Variants in CEP350 observed in about 807,000 individuals in gnomAD.
CEP350 encodes centrosomal protein 350.
CEP350 carries 126 observed loss-of-function variants against 331.8 expected under a neutral mutation model. That is an observed-to-expected ratio of 0.38 (90% CI 0.33 to 0.44). The LOEUF (loss-of-function observed/expected upper bound fraction) is 0.44, where lower values mean the gene tolerates loss of function less well. Among genes scored for constraint, CEP350 ranks in the 20% least tolerant of loss-of-function variants. CEP350 has a pLI of 1.00. For missense variants in CEP350, 3,406 were observed against 3,634.6 expected (o/e 0.94, Z 1.62); for synonymous variants, 1,200 against 1,259.5 (o/e 0.95, Z 1.00).
chr1:180,090,715 T>C lies in CEP350; in HGVS notation c.6427T>C (p.Ser2143Pro). The change falls in exon 33 of 38, where the codon TCT becomes CCT. Residue 2143 changes from serine to proline, a missense_variant and splice_region_variant. Physicochemically the swap from Ser to Pro is moderately conservative, Grantham distance 74. Coordinates refer to ENST00000367607, the MANE Select transcript of CEP350 (RefSeq NM_014810.5). ...TGCTCATTAATTTTTACACGTCAGA[T>C]CTGAAACGGCAAAGAATTGGAAATC... ...KIKPLTPLHRSETAKNWKSLT... is the reference protein window; with the variant it reads ...KIKPLTPLHRPETAKNWKSLT... The C allele has an allele frequency of 6.5e-7, 1 of 1,548,968 alleles. No homozygotes were observed. Among genetic ancestry groups the C allele is most frequent in the South Asian group, 1.2e-5 (1 of 83,230 alleles).
At chr1:179,959,015 T>C (rs1271420693) in intron 1 of CEP350, among the ~76,000 whole-genome samples, 1 of 152,216 alleles carries the variant, frequency 6.6e-6, no homozygotes, top group Non-Finnish European at 1.5e-5. Context: ...ATCACTTTTA[T>C]AATTTTTGAA....
intron 25 of CEP350, among the ~76,000 whole-genome samples, chr1:180,056,313 A>C (rs1657834765): frequency 6.6e-6 from 1 of 152,012 alleles, no homozygotes; most frequent in Non-Finnish European, 1.5e-5. Context: ...ATTATTTAAA[A>C]ATTACCCAGT....
intron 1 of CEP350, chr1:179,968,836 GC>G (rs1327322645): frequency 9.8e-6 from 7 of 712,876 alleles, no homozygotes; most frequent in Non-Finnish European, 1.0e-5. Context: ...GGCAGCTCGT[GC>G]CATTGTTACC....
chr1:180,044,282 T>A, intron 21 of CEP350, 109 bp downstream of exon 21: 2 of 1,135,914 alleles, frequency 1.8e-6, no homozygotes, highest in Non-Finnish European at 2.3e-6. Context: ...TAGAACAGTG[T>A]GTGCCCTTCA....
At position 180,110,979 on chromosome 1, in the gene CEP350, T is replaced by C. The variant is rs1294028100; in HGVS notation, c.9190-18T>C. On this transcript the variant is annotated intron_variant, in intron 37 of 37. Coordinates refer to ENST00000367607, the MANE Select transcript of CEP350 (RefSeq NM_014810.5). ...GTATGACAGGAATTTTCTAACCTTATTGTCTTCTAAATCCTAGGTTCAGGA... is the reference window on the plus strand; with the variant it reads ...GTATGACAGGAATTTTCTAACCTTACTGTCTTCTAAATCCTAGGTTCAGGA... 6.2e-6 allele frequency: 10 copies of C among 1,608,388 alleles called. No homozygotes were observed. Among genetic ancestry groups the C allele is most frequent in the Middle Eastern group, 1.7e-4 (1 of 6,040 alleles).
In CEP350 at chr1:180,020,000, A is replaced by G. The variant is rs1328289252; in HGVS notation, c.2226A>G (p.Gln742=). ...TGCAGCCTGAAAGATTGAGCCCACAAGTTCACCATTCTCAACCACAGCCTT... is the reference window on the plus strand; with the variant it reads ...TGCAGCCTGAAAGATTGAGCCCACAGGTTCACCATTCTCAACCACAGCCTT... ...TWMQPERLSP[Q]VHHSQPQPFA... The change falls in exon 12 of 38, where the codon CAA becomes CAG. Residue 742 remains glutamine (Q), a synonymous_variant. Transcript: ENST00000367607. 6.2e-6 allele frequency: 10 copies of G among 1,613,306 alleles called. No homozygotes were observed. The highest frequency in any genetic ancestry group is 1.3e-5 in the African/African-American group (1 of 74,926).
chr1:180,004,869 G>T (rs547828247), intron 7 of CEP350, among the ~76,000 whole-genome samples: 56 of 90,576 alleles, frequency 6.2e-4, no homozygotes, highest in African/African-American at 5.9e-4. Flanking sequence ...CAGGCAGGCT[G>T]GCTGGCTTGC....
In CEP350 at chr1:180,093,973, T is replaced by C. The variant is rs147681440; in HGVS notation, c.7868T>C (p.Ile2623Thr). ...YEKSLPSVND[I>T]EASVNRSRSL... ...AAATCCCTACCTAGTGTGAATGATA[T>C]AGAAGCCTCAGTTAATAGAAGTAGA... The change falls in exon 34 of 38, where the codon ATA (isoleucine) becomes ACA (threonine). Residue 2623 changes from isoleucine (I) to threonine (T), a missense_variant. Ile to Thr is a moderately conservative substitution (Grantham distance 89). Transcript: ENST00000367607. 139 of 1,613,876 alleles carry C rather than the reference T, an allele frequency of 8.6e-5. No homozygotes were observed. The African/African-American group carries it at 1.2e-3, about 14-fold the overall frequency.
chr1:180,020,119 G>A lies in CEP350; in HGVS notation c.2345G>A (p.Arg782Lys). Residue 782 changes from arginine (R) to lysine (K), a missense_variant, in exon 12 of 38, where the codon AGG (arginine) becomes AAG (lysine). This residue lies in a region of CEP350 where 1,857 missense variants were observed against 1,909.2 expected (regional missense o/e 0.97). Transcript: ENST00000367607. ...HKDFESILPT[R>K]KNHNMASRPL... Reference sequence around the variant, plus strand: ...GATTTTGAATCTATTTTACCAACCAGGAAGAATCATAATATGGCTTCAAGG... The same window carrying A: ...GATTTTGAATCTATTTTACCAACCAAGAAGAATCATAATATGGCTTCAAGG... 6.2e-7 allele frequency: 1 copy of A among 1,613,938 alleles called. No individual in the cohort carries two copies.
intron 37 of CEP350, among the ~76,000 whole-genome samples, chr1:180,104,395 G>A (rs1397424273): frequency 6.6e-6 from 1 of 151,884 alleles, no homozygotes; most frequent in Non-Finnish European, 1.5e-5. Context: ...TGTTTTTCTA[G>A]AGCTTTGACT....
rs766045375 is a variant in CEP350 at position 180,015,905 on chromosome 1, A to C, written c.2109A>C (p.Glu703Asp). The change falls in exon 11 of 38, where the codon GAA (glutamate) becomes GAC (aspartate). Residue 703 changes from glutamate to aspartate, a missense_variant. This residue lies in a region of CEP350 where 1,857 missense variants were observed against 1,909.2 expected (regional missense o/e 0.97). Coordinates refer to ENST00000367607, the MANE Select transcript of CEP350 (RefSeq NM_014810.5). ...GESDKENKVQ[E>D]RPPSASSSSD... ...CTGACAAAGAAAACAAAGTACAGGA[A>C]CGTCCCCCAAGTGCATCTTCCAGTA... is the stretch of plus-strand genomic sequence containing the variant. 6.2e-7 allele frequency: 1 copy of C among 1,613,944 alleles called. No individual in the cohort carries two copies. The highest frequency in any genetic ancestry group is 8.5e-7 in the Non-Finnish European group (1 of 1,179,866).
chr1:180,074,974 T>C, intron 27 of CEP350, 48 bp from the exon 28 acceptor site: 1 of 1,508,538 alleles, frequency 6.6e-7, no homozygotes, highest in Non-Finnish European at 8.9e-7. Flanking sequence ...AAGTGATCTC[T>C]GCATATAGGT....
In CEP350 at chr1:179,993,043, G is replaced by A. The variant is rs955634344; in HGVS notation, c.395+822G>A. On this transcript the variant is annotated intron_variant, in intron 5 of 37. Coordinates refer to ENST00000367607, the MANE Select transcript of CEP350 (RefSeq NM_014810.5). ...GGACTGTCAGTTCAATGTTTAATAT[G>A]TTGCATTTGATGCAATTTTGAATTA... Among the ~76,000 whole-genome samples the A allele has an allele frequency of 1.1e-4, 17 of 151,822 alleles. No individual in the cohort carries two copies. The South Asian group carries it at 3.3e-3, about 30-fold the overall frequency.
At chr1:180,004,890 GCTTGCTTGCTTGCTTGCTTT>G (rs1271657098) in intron 7 of CEP350, among the ~76,000 whole-genome samples, 80 of 41,508 alleles carry the variant, frequency 1.9e-3, no homozygotes, top group African/African-American at 4.3e-3. Flanking sequence ...TTGCTTGCTT[GCTTGCTTGCTTGCTTGCTTT>G]CTTTCTTTCT....
At chr1:180,054,838 A>G (rs1374714781) in intron 25 of CEP350, among the ~76,000 whole-genome samples, 1 of 152,206 alleles carries the variant, frequency 6.6e-6, no homozygotes, top group Admixed American at 6.5e-5. Flanking sequence ...ATTTTAAATT[A>G]TTGTTTCCCT....
Position 180,095,741 on chromosome 1 carries a change from T to G in CEP350, c.8730T>G (p.Cys2910Trp). ...CTAAAAGAGTAACCCAACAACCATG[T>G]GAAACATTATTGGCAGTCCCCCATA... ...AEPKRVTQQPCETLLAVPHTA... is the reference protein window; with the variant it reads ...AEPKRVTQQPWETLLAVPHTA... The change falls in exon 35 of 38, where the codon TGT (cysteine) becomes TGG (tryptophan). Residue 2910 changes from cysteine to tryptophan, a missense_variant. This residue lies in a region of CEP350 where 1,415 missense variants were observed against 1,512.3 expected (regional missense o/e 0.94). Transcript: ENST00000367607. 6.2e-7 allele frequency: 1 copy of G among 1,613,988 alleles called. No individual in the cohort carries two copies. The highest frequency in any genetic ancestry group is 1.1e-5 in the South Asian group (1 of 91,086).
chr1:180,040,230 G>A (rs1344282687), intron 17 of CEP350, among the ~76,000 whole-genome samples: 1 of 151,994 alleles, frequency 6.6e-6, no homozygotes, highest in Non-Finnish European at 1.5e-5. Flanking sequence ...GCCTGGTAGA[G>A]GGTGGGGAGG....
At position 180,098,089 on chromosome 1, in the gene CEP350, G is replaced by A. The variant is rs181898654; in HGVS notation, c.9067-774G>A. The stretch of plus-strand genomic sequence containing the variant: ...GGATTCAAGTGATTCTCCTGCCTCA[G>A]CCTCCTGAGTAGCTGGGATTACAGG... On this transcript the variant is annotated intron_variant, in intron 36 of 37. Transcript: ENST00000367607. Among the ~76,000 whole-genome samples, 1,074 of 152,242 alleles carry A rather than the reference G, an allele frequency of 7.1e-3. 9 individuals are homozygous for A. The highest frequency in any genetic ancestry group is 0.024 in the African/African-American group (988 of 41,530).
intron 27 of CEP350, 117 bp from the exon 28 acceptor site, chr1:180,074,905 G>A: frequency 1.2e-6 from 1 of 803,168 alleles, no homozygotes; most frequent in Non-Finnish European, 1.9e-6. Context: ...GAGAAGAGTA[G>A]TATGAATGTT....
Sources: allele counts gnomAD v4.1 joint callset (sites outside exome capture counted in the v4.1 genomes callset), GRCh38; gene constraint gnomAD v4.1.1; regional missense constraint gnomAD v4.1.1; transcripts MANE v1.5; gene names NCBI Gene and HGNC (gene_info 2026-07-23, HGNC 2026-07-21).